SKA2: variants seen among roughly 807,000 people sequenced by gnomAD.
SKA2 encodes spindle and kinetochore-associated protein 2.
In SKA2, 13 loss-of-function variants were observed where a neutral mutation model predicts 16.9. The ratio of observed to expected loss-of-function variants is 0.77; its 90% CI spans 0.50 to 1.22. The LOEUF (loss-of-function observed/expected upper bound fraction) is 1.22. Among genes scored for constraint, SKA2 ranks in the 50% most tolerant of loss-of-function variants. The pLI, the probability that SKA2 is intolerant of heterozygous loss-of-function variation, is 0.00. For missense variants in SKA2, 107 were observed against 139.7 expected (o/e 0.77, Z 1.18); for synonymous variants, 47 against 48.5 (o/e 0.97, Z 0.13).
intron 2 of SKA2, chr17:59,129,479 A>G (rs575572439): frequency 8.5e-5 from 13 of 152,052 alleles, no homozygotes; most frequent in African/African-American, 3.1e-4. Flanking sequence ...TCTTTAAGAC[A>G]AAAGAAAGAA....
chr17:59,146,922 G>A (rs996511871), intron 1 of SKA2, among the ~76,000 whole-genome samples: 16 of 152,238 alleles, frequency 1.1e-4, no homozygotes, highest in South Asian at 2.1e-4. Context: ...CCTCTGTCTC[G>A]GCCTCCCAGA....
chr17:59,121,151 C>CAAAAAAAA (rs71145525), intron 2 of SKA2, among the ~76,000 whole-genome samples: 1 of 99,704 alleles, frequency 1.0e-5, no homozygotes, highest in Non-Finnish European at 2.0e-5. Context: ...GACTCCGTCT[C>CAAAAAAAA]AAAAAAAAAA....
At chr17:59,116,768 ATTTTAGAAAATT>A (rs930932382) in intron 3 of SKA2, among the ~76,000 whole-genome samples, 1 of 109,278 alleles carries the variant, frequency 9.2e-6, no homozygotes, top group Non-Finnish European at 1.9e-5. Context: ...CCTTTTGGTT[ATTTTAGAAAATT>A]TCAGAGGCCT....
rs370760046 is a variant in SKA2 at position 59,111,849 on chromosome 17, A to G, written c.*428T>C. 311 of 158,016 alleles carry G rather than the reference A, an allele frequency of 2.0e-3. 11 individuals are homozygous for G. In the South Asian group the frequency reaches 0.061, roughly 31 times the overall value. The allele number at this position is 158,016 out of a possible 1,614,324, so 9.8% of individuals were successfully genotyped here. A position where few individuals can be genotyped will look rare whatever the true frequency, so the allele number is the denominator to read the frequency against. ...AAAATGAAATTATATATCATGTATA[A>G]CACAAATGTTTTGCCTATACTTTAA... On this transcript the variant is annotated 3_prime_UTR_variant, in exon 4 of 4. Transcript: ENST00000330137.
At chr17:59,139,396 CAAAAAAAAAAAA>C (rs113246125) in intron 1 of SKA2, among the ~76,000 whole-genome samples, 2 of 50,350 alleles carry the variant, frequency 4.0e-5, no homozygotes, top group Admixed American at 1.9e-4. Flanking sequence ...GACTCCGTCT[CAAAAAAAAAAAA>C]AAAAAAAAAA....
At chr17:59,124,423 C>A (rs2046357299) in intron 2 of SKA2, 1 of 132,154 alleles carries the variant, frequency 7.6e-6, no homozygotes, top group African/African-American at 3.0e-5. Context: ...CAGAGTGAGA[C>A]TCTGTCTGGG....
chr17:59,133,834 C>T (rs1193733743), intron 1 of SKA2, among the ~76,000 whole-genome samples: 2 of 152,056 alleles, frequency 1.3e-5, no homozygotes, highest in Non-Finnish European at 2.9e-5. Flanking sequence ...GGGGAGGGTA[C>T]AGATAAAAGA....
chr17:59,126,509 CAG>C (rs977592687), intron 2 of SKA2, among the ~76,000 whole-genome samples: 3 of 152,168 alleles, frequency 2.0e-5, no homozygotes, highest in Admixed American at 6.5e-5. Flanking sequence ...TGCCGCCAGA[CAG>C]AGGTATTAGA....
intron 2 of SKA2, among the ~76,000 whole-genome samples, chr17:59,123,421 G>T (rs2147799676): frequency 6.6e-6 from 1 of 151,920 alleles, no homozygotes; most frequent in African/African-American, 2.4e-5. Flanking sequence ...GCTGGGCAGG[G>T]TGGCATGTGC....
chr17:59,113,887 A>G (rs982857836), intron 3 of SKA2, among the ~76,000 whole-genome samples: 1 of 152,200 alleles, frequency 6.6e-6, no homozygotes, highest in East Asian at 1.9e-4. Context: ...CAGAAAAAGG[A>G]AAGACTTCTG....
At chr17:59,144,884 C>T (rs937137546) in intron 1 of SKA2, among the ~76,000 whole-genome samples, 2 of 152,154 alleles carry the variant, frequency 1.3e-5, no homozygotes, top group Non-Finnish European at 2.9e-5. Context: ...GCATCCTCCA[C>T]CTCCCGGGTT....
intron 2 of SKA2, among the ~76,000 whole-genome samples, chr17:59,125,946 C>T (rs1211049987): frequency 1.3e-5 from 2 of 151,864 alleles, no homozygotes; most frequent in Non-Finnish European, 2.9e-5. Context: ...CAGAGGAGGG[C>T]GGATCACGAG....
chr17:59,127,815 G>A (rs187566370), intron 2 of SKA2, among the ~76,000 whole-genome samples: 31 of 152,224 alleles, frequency 2.0e-4, no homozygotes, highest in African/African-American at 2.6e-4. Context: ...GTATATACTC[G>A]AGAGAAATGA....
At chr17:59,125,007 CTT>C (rs1426549650) in intron 2 of SKA2, among the ~76,000 whole-genome samples, 6 of 148,280 alleles carry the variant, frequency 4.0e-5, no homozygotes, top group Admixed American at 6.8e-5. Flanking sequence ...GAGTTTCGCT[CTT>C]GTTTCCCAGG....
chr17:59,121,895 CT>C (rs1568302591), intron 2 of SKA2, among the ~76,000 whole-genome samples: 1 of 149,730 alleles, frequency 6.7e-6, no homozygotes, highest in African/African-American at 2.5e-5. Flanking sequence ...TTGCTTGAAC[CT>C]GGGAGGCAGA....
intron 1 of SKA2, among the ~76,000 whole-genome samples, chr17:59,142,510 G>A (rs1434274505): frequency 6.6e-6 from 1 of 151,828 alleles, no homozygotes; most frequent in East Asian, 1.9e-4. Flanking sequence ...GGCTGCTCTC[G>A]AACTCTCGAC....
chr17:59,115,906 A>G (rs186931814), intron 3 of SKA2, among the ~76,000 whole-genome samples: 5 of 152,274 alleles, frequency 3.3e-5, no homozygotes, highest in Admixed American at 2.6e-4. Flanking sequence ...TTTATCACAC[A>G]TATTTTGGAA....
chr17:59,146,167 C>T (rs747433336), intron 1 of SKA2, among the ~76,000 whole-genome samples: 1 of 151,934 alleles, frequency 6.6e-6, no homozygotes, highest in Non-Finnish European at 1.5e-5. Context: ...TAGATGAAAC[C>T]TTAGCAAAAA....
intron 1 of SKA2, among the ~76,000 whole-genome samples, chr17:59,134,560 CTTT>C (rs575554451): frequency 7.0e-6 from 1 of 143,880 alleles, no homozygotes; most frequent in African/African-American, 2.5e-5. Flanking sequence ...GGTAACTTTC[CTTT>C]TTTTTTTTGG....
Sources: gnomAD v4.1 joint callset for allele counts (sites outside exome capture counted in the v4.1 genomes callset) on GRCh38, gnomAD v4.1.1 for gene constraint, MANE v1.5 for transcripts, NCBI Gene and HGNC (gene_info 2026-07-23, HGNC 2026-07-21) for gene names.